Variants in AVL9 observed in about 807,000 individuals in gnomAD.
The protein encoded by AVL9 is AVL9 cell migration associated.
Under a neutral mutation model 79.2 loss-of-function variants are expected in AVL9, and 49 were observed. That is an observed-to-expected ratio of 0.62 (90% CI 0.49 to 0.79). The LOEUF (loss-of-function observed/expected upper bound fraction) is 0.79. AVL9 is among the 30% of genes least tolerant of loss of function. AVL9 has a pLI of 0.00. For missense variants in AVL9, 682 were observed against 776.8 expected (o/e 0.88, Z 1.45); for synonymous variants, 299 against 280.6 (o/e 1.07, Z -0.65).
At chr7:32,575,674 T>G (rs1791062121) in intron 12 of AVL9, among the ~76,000 whole-genome samples, 1 of 152,220 alleles carries the variant, frequency 6.6e-6, no homozygotes, top group Non-Finnish European at 1.5e-5. Context: ...GGAAATATTT[T>G]GGAGTTGTAA....
chr7:32,573,511 T>A, intron 12 of AVL9, 93 bp downstream of exon 12: 1 of 1,123,704 alleles, frequency 8.9e-7, no homozygotes, highest in Non-Finnish European at 1.3e-6. Flanking sequence ...AATAAATACA[T>A]ATTCCTTATA....
intron 1 of AVL9, among the ~76,000 whole-genome samples, chr7:32,508,185 A>G (rs545680997): frequency 3.3e-5 from 5 of 152,282 alleles, no homozygotes; most frequent in Admixed American, 3.3e-4. Context: ...TCAGTATCTT[A>G]ATGGTGTCTT....
At chr7:32,545,364 CTTTTTT>C (rs10610945) in intron 3 of AVL9, among the ~76,000 whole-genome samples, 23,428 of 72,592 alleles carry the variant, frequency 0.32, 1,110 homozygotes, top group East Asian at 0.44. Flanking sequence ...TCTAAGATTT[CTTTTTT>C]TTTTTTTTTT....
intron 1 of AVL9, among the ~76,000 whole-genome samples, chr7:32,509,462 CT>C (rs931526569): frequency 2.0e-5 from 3 of 152,112 alleles, no homozygotes; most frequent in African/African-American, 7.2e-5. Context: ...CAGATTAACG[CT>C]TTTTACTCCT....
At chr7:32,578,330 G>A (rs558371220) in intron 13 of AVL9, among the ~76,000 whole-genome samples, 14 of 152,198 alleles carry the variant, frequency 9.2e-5, no homozygotes, top group South Asian at 4.2e-4. Context: ...AGCAAACCAG[G>A]CTGCATTAAT....
At chr7:32,552,624 C>T (rs992188936) in intron 6 of AVL9, among the ~76,000 whole-genome samples, 3 of 151,786 alleles carry the variant, frequency 2.0e-5, no homozygotes, top group Non-Finnish European at 4.4e-5. Flanking sequence ...CTCACTGCAG[C>T]CTTGACCTCC....
At chr7:32,532,669 A>T (rs1788716248) in intron 1 of AVL9, 1 of 152,248 alleles carries the variant, frequency 6.6e-6, no homozygotes. Context: ...GAAAAAATAG[A>T]AGATAACAGC....
chr7:32,579,512 TTATATTA>T (rs1393742907), intron 13 of AVL9, among the ~76,000 whole-genome samples: 90 of 4,002 alleles, frequency 0.022, 11 homozygotes, highest in Non-Finnish European at 0.029. Context: ...ATATTATATA[TTATATTA>T]TATATTATAT....
At chr7:32,542,042 T>C (rs1428372573) in intron 1 of AVL9, among the ~76,000 whole-genome samples, 1 of 152,140 alleles carries the variant, frequency 6.6e-6, no homozygotes, top group Non-Finnish European at 1.5e-5. Flanking sequence ...AAATGATCTC[T>C]GGAAGAAAAG....
At chr7:32,576,791 GAAAA>G (rs901705269) in intron 13 of AVL9, among the ~76,000 whole-genome samples, 1 of 148,504 alleles carries the variant, frequency 6.7e-6, no homozygotes, top group Admixed American at 6.7e-5. Context: ...TGTCTCAAAA[GAAAA>G]AAAAAAGTTA....
Position 32,548,144 on chromosome 7 carries a change from C to CTCTTTTTTTTTTTTTTTTT in AVL9, c.301-702_301-701insCTTTTTTTTTTTTTTTTTT, listed in dbSNP as rs1227025763. The stretch of plus-strand genomic sequence containing the variant: ...AACAAGCTGTCTGTTTTTGTCATCT[C>CTCTTTTTTTTTTTTTTTTT]TTTTTTCTTTTTTTTTTTTTTGAGA... On this transcript the variant is annotated intron_variant, in intron 3 of 15. Coordinates refer to ENST00000318709, the MANE Select transcript of AVL9 (RefSeq NM_015060.3). Among the ~76,000 whole-genome samples the CTCTTTTTTTTTTTTTTTTT allele has an allele frequency of 3.0e-3, 173 of 57,546 alleles. 4 individuals carry two copies. The highest frequency in any genetic ancestry group is 8.3e-3 in the African/African-American group (153 of 18,484). 37.8% of individuals were successfully genotyped at this position (57,546 alleles called of 152,430 possible). A position where few individuals can be genotyped will look rare whatever the true frequency, so the allele number is the denominator to read the frequency against.
chr7:32,572,360 A>G (rs1790889742), intron 11 of AVL9, among the ~76,000 whole-genome samples: 1 of 150,168 alleles, frequency 6.7e-6, no homozygotes, highest in Non-Finnish European at 1.5e-5. Flanking sequence ...AGATGGGAGG[A>G]CCATAAAGCT....
chr7:32,543,892 ATTTT>A (rs1197924171), intron 2 of AVL9, among the ~76,000 whole-genome samples: 1 of 126,242 alleles, frequency 7.9e-6, no homozygotes, highest in African/African-American at 2.9e-5. Flanking sequence ...GTTGCTATTG[ATTTT>A]CTTTCTTTCT....
intron 7 of AVL9, 122 bp from the exon 8 acceptor site, chr7:32,554,436 C>A: frequency 8.5e-6 from 4 of 471,820 alleles, no homozygotes; most frequent in Admixed American, 4.2e-5. Context: ...CATAATTTTT[C>A]ATGTACTTTT....
chr7:32,534,790 A>G (rs1204460188), intron 1 of AVL9: 2 of 152,182 alleles, frequency 1.3e-5, no homozygotes, highest in Non-Finnish European at 2.9e-5. Flanking sequence ...ACTGAAAAAA[A>G]TATAAAAATT....
intron 3 of AVL9, 86 bp downstream of exon 3, chr7:32,544,865 C>G: frequency 1.1e-6 from 1 of 924,124 alleles, no homozygotes; most frequent in South Asian, 1.7e-5. Flanking sequence ...TTCAGTGGTG[C>G]CTGTAATGTT....
chr7:32,533,497 A>C (rs1296336114), intron 1 of AVL9: 1 of 152,170 alleles, frequency 6.6e-6, no homozygotes, highest in Non-Finnish European at 1.5e-5. Flanking sequence ...ATTTGTTGCC[A>C]ACTTTGTAGT....
rs1026118974 is a variant in AVL9, at chr7:32,584,870, A to G, written c.*963A>G. ...CTGCAACCTCCATCTCCCGGGTTCA[A>G]GCAATTCTTGTACCTCAGCCTCCCA... On this transcript the variant is annotated 3_prime_UTR_variant, in exon 16 of 16. Coordinates refer to ENST00000318709, the MANE Select transcript of AVL9 (RefSeq NM_015060.3). 1 of 149,408 alleles carries G rather than the reference A, an allele frequency of 6.7e-6. No individual in the cohort carries two copies. The highest frequency in any genetic ancestry group is 1.5e-5 in the Non-Finnish European group (1 of 67,828). 9.3% of individuals were successfully genotyped at this position (149,408 alleles called of 1,614,324 possible).
chr7:32,541,576 C>T (rs1310628908), intron 1 of AVL9, among the ~76,000 whole-genome samples: 1 of 152,094 alleles, frequency 6.6e-6, no homozygotes, highest in African/African-American at 2.4e-5. Flanking sequence ...GTGTATCTTA[C>T]CTCATTGTCA....
Sources: allele counts gnomAD v4.1 joint callset (sites outside exome capture counted in the v4.1 genomes callset), GRCh38; gene constraint gnomAD v4.1.1; transcripts MANE v1.5; gene names NCBI Gene and HGNC (gene_info 2026-07-23, HGNC 2026-07-21).